ANGPTL3: variants seen among roughly 807,000 people sequenced by gnomAD.
The protein encoded by ANGPTL3 is angiopoietin-related protein 3.
Under a neutral mutation model 52.7 loss-of-function variants are expected in ANGPTL3, and 51 were observed. That is an observed-to-expected ratio of 0.97 (90% confidence interval 0.77 to 1.22). The LOEUF is 1.22. Among genes scored for constraint, ANGPTL3 ranks in the 50% most tolerant of loss-of-function variants. ANGPTL3 has a pLI of 0.00. For missense variants in ANGPTL3, 506 were observed against 520.7 expected, an observed-to-expected ratio of 0.97 and a Z score of 0.27; for synonymous variants, 185 against 179.8, an observed-to-expected ratio of 1.03 and a Z score of -0.23.
chr1:62,604,340 A>G (rs1650623375), intron 6 of ANGPTL3, 105 bp downstream of exon 6: 1 of 1,413,062 alleles, frequency 7.1e-7, no homozygotes, highest in Non-Finnish European at 9.8e-7. Context: ...CGAATCCCAA[A>G]TAAGCGTTTT....
Position 62,602,337 on chromosome 1 carries a change from T to A in ANGPTL3, c.888T>A (p.Asn296Lys), listed in dbSNP as rs188204596. Reference sequence around the variant, plus strand: ...GAATAGATGGATCACAAAACTTCAATGAAACGTGGGAGAACTACAAATATG... The same window carrying A: ...GAATAGATGGATCACAAAACTTCAAAGAAACGTGGGAGAACTACAAATATG... ...QHRIDGSQNFNETWENYKYGF... is the reference protein window; with the variant it reads ...QHRIDGSQNFKETWENYKYGF... Residue 296 changes from asparagine to lysine, a missense_variant, in exon 5 of 7, where the codon AAT becomes AAA. Physicochemically the swap from Asn to Lys is moderately conservative, Grantham distance 94. Coordinates refer to ENST00000371129, the MANE Select transcript of ANGPTL3 (RefSeq NM_014495.4). 42 of 1,610,968 alleles carry A rather than the reference T, an allele frequency of 2.6e-5. 1 individual carries two copies. In the African/African-American group the frequency reaches 5.6e-4, roughly 22 times the overall value.
In ANGPTL3 at chr1:62,604,865, AAGTTAATGT is replaced by A. The variant is rs760709309; in HGVS notation, c.*49_*57del. The A allele has an allele frequency of 6.5e-6, 10 of 1,536,268 alleles. No individual in the cohort carries two copies. Among genetic ancestry groups the A allele is most frequent in the Non-Finnish European group, 8.9e-6 (10 of 1,122,740 alleles). On this transcript the variant is annotated 3_prime_UTR_variant, in exon 7 of 7. Transcript: ENST00000371129. ...ATAATTTAAACATTAACCTCATTCCAAGTTAATGTGGTCTAATAATCTGGTATTAAATCC... is the reference window on the plus strand; with the variant it reads ...ATAATTTAAACATTAACCTCATTCCAGGTCTAATAATCTGGTATTAAATCC...
At chr1:62,600,506 T>C (rs375355224) in intron 2 of ANGPTL3, among the ~76,000 whole-genome samples, 5 of 151,792 alleles carry the variant, frequency 3.3e-5, no homozygotes, top group African/African-American at 1.2e-4. Context: ...ATTCAATAAA[T>C]TGCAAACCCA....
intron 2 of ANGPTL3, among the ~76,000 whole-genome samples, chr1:62,600,411 A>G (rs1649936604): frequency 6.6e-6 from 1 of 151,872 alleles, no homozygotes; most frequent in Non-Finnish European, 1.5e-5. Flanking sequence ...AGGAAATATC[A>G]TTCATGCCAG....
chr1:62,604,816 G>C lies in ANGPTL3; in HGVS notation c.1382G>C (p.Ter461SerextTer18). 1 of 1,612,594 alleles carries C rather than the reference G, an allele frequency of 6.2e-7. No individual in the cohort carries two copies. The highest frequency in any genetic ancestry group is 1.1e-5 in the South Asian group (1 of 91,010). The change falls in exon 7 of 7, where the codon TGA (stop) becomes TCA (serine). Residue 461 changes from the stop codon to serine, a stop_lost. Coordinates refer to ENST00000371129, the MANE Select transcript of ANGPTL3 (RefSeq NM_014495.4). The stretch of plus-strand genomic sequence containing the variant: ...CCAACAGATTCAGAAAGCTTTGAAT[G>C]AACTGAGGCAAATTTAAAAGGCAAT... ...IHPTDSESFE* is the reference protein window; with the variant it reads ...IHPTDSESFES
In ANGPTL3 at chr1:62,604,511, G is replaced by C. The variant is rs530058126; in HGVS notation, c.1199-122G>C. 5 of 1,062,616 alleles carry C rather than the reference G, an allele frequency of 4.7e-6. No individual in the cohort carries two copies. The African/African-American group carries it at 8.0e-5, about 17-fold the overall frequency. 65.8% of individuals were successfully genotyped at this position (1,062,616 alleles called of 1,614,324 possible). On this transcript the variant is annotated intron_variant, in intron 6 of 6. Transcript: ENST00000371129. ...GACTTATACAGATTATTTAAAACTG[G>C]GATACATGCATCTAAAACACTGTAA...
At position 62,601,868 on chromosome 1, in the gene ANGPTL3, G is replaced by A. The variant is rs1386931684; in HGVS notation, c.821G>A (p.Cys274Tyr). ...AACTCTCAAGTTTTTCATGTCTACT[G>A]TGATGTTATATCAGGTAAAACCTGT... The part of the protein sequence containing the change: ...PSNSQVFHVY[C>Y]DVISGSPWTL... The change falls in exon 4 of 7, where the codon TGT becomes TAT. Residue 274 changes from cysteine (C) to tyrosine (Y), a missense_variant. Physicochemically the swap from Cys to Tyr is radical, Grantham distance 194. Transcript: ENST00000371129. The A allele has an allele frequency of 1.9e-6, 3 of 1,606,334 alleles. No homozygotes were observed. The highest frequency in any genetic ancestry group is 1.1e-5 in the South Asian group (1 of 90,900).
intron 6 of ANGPTL3, 179 bp from the exon 7 acceptor site, chr1:62,604,454 A>G: frequency 1.1e-6 from 1 of 901,512 alleles, no homozygotes. Flanking sequence ...TTGGTAGTGT[A>G]TAGATTATTT....
Position 62,597,760 on chromosome 1 carries a change from A to C in ANGPTL3, c.194A>C (p.Lys65Thr). Residue 65 changes from lysine (K) to threonine (T), a missense_variant, in exon 1 of 7, where the codon AAG becomes ACG. Transcript: ENST00000371129. The part of the protein sequence containing the change: ...HGLKDFVHKT[K>T]GQINDIFQKL... ...CTTAAAGACTTTGTCCATAAGACGA[A>C]GGGCCAAATTAATGACATATTTCAA... The C allele has an allele frequency of 6.2e-7, 1 of 1,613,588 alleles. No homozygotes were observed. The highest frequency in any genetic ancestry group is 8.5e-7 in the Non-Finnish European group (1 of 1,179,706).
rs746743905 is a variant in ANGPTL3 at position 62,597,700 on chromosome 1, T to C, written c.134T>C (p.Ile45Thr). 1 of 1,613,560 alleles carries C rather than the reference T, an allele frequency of 6.2e-7. No homozygotes were observed. Among genetic ancestry groups the C allele is most frequent in the Admixed American group, 1.7e-5 (1 of 59,924 alleles). Residue 45 changes from isoleucine (I) to threonine (T), a missense_variant, in exon 1 of 7, where the codon ATT (isoleucine) becomes ACT (threonine). Transcript: ENST00000371129. ...SRFAMLDDVK[I>T]LANGLLQLGH... is the part of the protein sequence containing the mutation. Reference sequence around the variant, plus strand: ...TTTGCTATGTTAGACGATGTAAAAATTTTAGCCAATGGCCTCCTTCAGTTG... The same window carrying C: ...TTTGCTATGTTAGACGATGTAAAAACTTTAGCCAATGGCCTCCTTCAGTTG...
chr1:62,602,259 T>C (rs780201533), intron 4 of ANGPTL3, 26 bp from the exon 5 acceptor site: 22 of 1,550,088 alleles, frequency 1.4e-5, no homozygotes, highest in Non-Finnish European at 1.8e-5. Flanking sequence ...CTACTAAAAA[T>C]ACATGATTTC....
chr1:62,602,373 GC>G lies in ANGPTL3; in HGVS notation c.925del (p.Asp310MetfsTer8). On this transcript the variant is annotated frameshift_variant, in exon 5 of 7. Transcript: ENST00000371129. LOFTEE classifies it high-confidence loss of function. ...WENYKYGFGR[L>X]DGEFWLGLEK... ...AGAACTACAAATATGGTTTTGGGAGGCTTGATGGTAAGGGGACTACATTCAA... is the reference window on the plus strand; with the variant it reads ...AGAACTACAAATATGGTTTTGGGAGGTTGATGGTAAGGGGACTACATTCAA... 1.2e-6 allele frequency: 2 copies of G among 1,610,382 alleles called. No individual in the cohort carries two copies. The highest frequency in any genetic ancestry group is 1.7e-6 in the Non-Finnish European group (2 of 1,177,258).
In ANGPTL3 at chr1:62,606,167, GA is replaced by G. The variant is rs1368064761; in HGVS notation, c.*1351del. The G allele has an allele frequency of 2.0e-5, 3 of 151,706 alleles. No individual in the cohort carries two copies. Among genetic ancestry groups the G allele is most frequent in the African/African-American group, 7.3e-5 (3 of 41,334 alleles). 9.4% of individuals were successfully genotyped at this position (151,706 alleles called of 1,614,324 possible). The stretch of plus-strand genomic sequence containing the variant: ...GGTAAAAATAATCTATAATTTTCAG[GA>G]CCACAGACTAAGCTGTCGAAATTAA... On this transcript the variant is annotated 3_prime_UTR_variant, in exon 7 of 7. Transcript: ENST00000371129.
intron 2 of ANGPTL3, 81 bp downstream of exon 2, chr1:62,598,887 T>G (rs1571709384): frequency 1.2e-6 from 1 of 859,468 alleles, no homozygotes; most frequent in East Asian, 2.6e-5. Context: ...TTTACAAGCT[T>G]TAACTGGATC....
At chr1:62,603,250 T>C (rs1230429106) in intron 5 of ANGPTL3, among the ~76,000 whole-genome samples, 1 of 151,704 alleles carries the variant, frequency 6.6e-6, no homozygotes, top group African/African-American at 2.4e-5. Context: ...TTACCAGCAA[T>C]CCTTAAAATG....
chr1:62,600,295 C>A (rs1330217869), intron 2 of ANGPTL3, among the ~76,000 whole-genome samples: 1 of 151,396 alleles, frequency 6.6e-6, no homozygotes, highest in Admixed American at 6.6e-5. Flanking sequence ...ATTAAAAAAA[C>A]AAAACTCTAA....
intron 4 of ANGPTL3, 53 bp downstream of exon 4, chr1:62,601,935 G>T: frequency 9.1e-7 from 1 of 1,096,820 alleles, no homozygotes. Context: ...TACTCATTAC[G>T]TATTAGGAAG....
At chr1:62,600,772 T>C (rs1285820413) in intron 2 of ANGPTL3, among the ~76,000 whole-genome samples, 1 of 151,868 alleles carries the variant, frequency 6.6e-6, no homozygotes, top group Non-Finnish European at 1.5e-5. Flanking sequence ...ATTTTATTCA[T>C]ATAAATAAAA....
At chr1:62,599,554 C>A (rs920454793) in intron 2 of ANGPTL3, among the ~76,000 whole-genome samples, 4 of 152,036 alleles carry the variant, frequency 2.6e-5, no homozygotes, top group Admixed American at 6.6e-5. Flanking sequence ...TTTATCTCTT[C>A]TATTCCTGCA....
Sources: allele counts gnomAD v4.1 joint callset (sites outside exome capture counted in the v4.1 genomes callset), GRCh38; gene constraint gnomAD v4.1.1; transcripts MANE v1.5; gene names NCBI Gene and HGNC (gene_info 2026-07-23, HGNC 2026-07-21).